The following CDYL2 variants were observed in gnomAD, a reference collection of about 807,000 sequenced individuals.
CDYL2 encodes chromodomain Y-like protein 2.
Under a neutral mutation model 49.4 loss-of-function variants are expected in CDYL2, and 23 were observed. The observed-to-expected ratio is 0.47, with a 90% confidence interval of 0.34 to 0.66. CDYL2 has a LOEUF of 0.66. Ranked by LOEUF, CDYL2 falls within the 30% of genes least tolerant of loss-of-function variation. The probability of loss-of-function intolerance (pLI) is 0.01; values close to 1 mark genes in which losing one functional copy is unlikely to be tolerated. For missense variants in CDYL2, 678 were observed against 656.4 expected (o/e 1.03, Z -0.36); for synonymous variants, 360 against 268.8 (o/e 1.34, Z -3.32).
intron 1 of CDYL2, among the ~76,000 whole-genome samples, chr16:80,762,646 T>C (rs1906571426): frequency 6.6e-6 from 1 of 152,208 alleles, no homozygotes; most frequent in African/African-American, 2.4e-5. Context: ...GTCTATAAAG[T>C]ATTTGTAACC....
intron 1 of CDYL2, among the ~76,000 whole-genome samples, chr16:80,776,122 G>C (rs375390647): frequency 6.6e-6 from 1 of 151,984 alleles, no homozygotes; most frequent in South Asian, 2.1e-4. Flanking sequence ...TTCAGTAAAA[G>C]AGCAAATTAG....
intron 1 of CDYL2, among the ~76,000 whole-genome samples, chr16:80,768,696 G>A (rs1171145446): frequency 1.3e-5 from 2 of 152,186 alleles, no homozygotes; most frequent in Admixed American, 6.5e-5. Context: ...CTTCCTGGAT[G>A]AGAAGGAAGT....
At chr16:80,784,840 A>G (rs935817310) in intron 1 of CDYL2, among the ~76,000 whole-genome samples, 1 of 152,190 alleles carries the variant, frequency 6.6e-6, no homozygotes, top group African/African-American at 2.4e-5. Context: ...AAGGAGGTCT[A>G]TCCTGGTCTG....
intron 1 of CDYL2, among the ~76,000 whole-genome samples, chr16:80,754,555 A>G (rs1471325895): frequency 6.6e-6 from 1 of 152,214 alleles, no homozygotes; most frequent in African/African-American, 2.4e-5. Context: ...GTAATACTGT[A>G]GATGAAGGCA....
At chr16:80,764,743 G>C (rs1463487018) in intron 1 of CDYL2, among the ~76,000 whole-genome samples, 1 of 152,040 alleles carries the variant, frequency 6.6e-6, no homozygotes, top group Non-Finnish European at 1.5e-5. Flanking sequence ...TGGGTCAACT[G>C]ACTGATAATA....
intron 1 of CDYL2, among the ~76,000 whole-genome samples, chr16:80,793,308 A>G (rs1403222264): frequency 1.3e-5 from 2 of 152,190 alleles, no homozygotes; most frequent in African/African-American, 2.4e-5. Context: ...GCCACTCTCA[A>G]TCCAGTCCTA....
At chr16:80,665,234 A>G (rs1023021115) in intron 2 of CDYL2, among the ~76,000 whole-genome samples, 15 of 152,076 alleles carry the variant, frequency 9.9e-5, no homozygotes, top group African/African-American at 3.6e-4. Context: ...ATCAAGCTCC[A>G]TGCATCCTTC....
chr16:80,754,715 A>G (rs570965469), intron 1 of CDYL2, among the ~76,000 whole-genome samples: 27 of 152,338 alleles, frequency 1.8e-4, no homozygotes, highest in Admixed American at 7.8e-4. Flanking sequence ...GAATACACAT[A>G]GCACACCTGG....
At chr16:80,797,511 GAC>G (rs1907800551) in intron 1 of CDYL2, among the ~76,000 whole-genome samples, 1 of 152,150 alleles carries the variant, frequency 6.6e-6, no homozygotes, top group Non-Finnish European at 1.5e-5. Context: ...GGAACTTCCA[GAC>G]AGCTGTTTAT....
intron 1 of CDYL2, among the ~76,000 whole-genome samples, chr16:80,768,932 A>G (rs1194156968): frequency 6.6e-6 from 1 of 152,244 alleles, no homozygotes; most frequent in South Asian, 2.1e-4. Context: ...AGCTATTGTT[A>G]TTAGTATTAT....
intron 3 of CDYL2, among the ~76,000 whole-genome samples, chr16:80,626,926 C>CA (rs1218661404): frequency 3.9e-5 from 6 of 152,150 alleles, no homozygotes; most frequent in African/African-American, 1.4e-4. Context: ...CATGAAGACT[C>CA]AGACAGGTGC....
At chr16:80,667,149 A>C (rs1463828055) in intron 2 of CDYL2, among the ~76,000 whole-genome samples, 1 of 152,188 alleles carries the variant, frequency 6.6e-6, no homozygotes, top group Non-Finnish European at 1.5e-5. Flanking sequence ...AGCAGAGGTT[A>C]CTACTCACGT....
intron 1 of CDYL2, among the ~76,000 whole-genome samples, chr16:80,791,318 C>T (rs1051813673): frequency 5.3e-5 from 8 of 152,182 alleles, no homozygotes; most frequent in African/African-American, 1.7e-4. Flanking sequence ...ATGATTCCAA[C>T]TTTCATATAA....
chr16:80,727,448 C>G (rs573587379), intron 1 of CDYL2, among the ~76,000 whole-genome samples: 5 of 152,250 alleles, frequency 3.3e-5, no homozygotes, highest in Non-Finnish European at 7.3e-5. Context: ...GAAGGTCCTA[C>G]GCCCACGGAG....
chr16:80,751,009 G>A (rs879933015), intron 1 of CDYL2, among the ~76,000 whole-genome samples: 3 of 137,148 alleles, frequency 2.2e-5, no homozygotes, highest in African/African-American at 9.7e-5. Context: ...GACAGAGTGA[G>A]ATTCCATCTT....
At chr16:80,745,006 C>G (rs966117104) in intron 1 of CDYL2, among the ~76,000 whole-genome samples, 3 of 152,150 alleles carry the variant, frequency 2.0e-5, no homozygotes, top group African/African-American at 7.2e-5. Flanking sequence ...AAACCCCTGA[C>G]CTACAGGGTG....
intron 3 of CDYL2, chr16:80,627,933 G>C (rs1907376847): frequency 6.6e-6 from 1 of 152,202 alleles, no homozygotes; most frequent in African/African-American, 2.4e-5. Context: ...TCTAGCTTTG[G>C]ATCCGGCGTG....
At chr16:80,672,607 A>G (rs910191273) in intron 2 of CDYL2, among the ~76,000 whole-genome samples, 8 of 150,646 alleles carry the variant, frequency 5.3e-5, no homozygotes, top group African/African-American at 2.0e-4. Context: ...AAGGAAAGGA[A>G]AGGAAAAGAA....
intron 2 of CDYL2, among the ~76,000 whole-genome samples, chr16:80,645,839 C>A (rs1296548189): frequency 6.6e-6 from 1 of 151,718 alleles, no homozygotes. Flanking sequence ...TTTGTAGGGA[C>A]ATGGATGAAG....
Sources: gnomAD v4.1 joint callset for allele counts (sites outside exome capture counted in the v4.1 genomes callset) on GRCh38, gnomAD v4.1.1 for gene constraint, MANE v1.5 for transcripts, NCBI Gene and HGNC (gene_info 2026-07-23, HGNC 2026-07-21) for gene names.